The following TENM3 variants were observed in gnomAD, a reference collection of about 807,000 sequenced individuals.
TENM3 encodes teneurin transmembrane protein 3, also known as teneurin-3.
A neutral mutation model predicts 255.1 loss-of-function variants in TENM3; 63 were observed. The observed-to-expected ratio is 0.25, with a 90% CI of 0.20 to 0.30. The LOEUF (loss-of-function observed/expected upper bound fraction) is 0.30, where lower values mean the gene tolerates loss of function less well. Among genes scored for constraint, TENM3 ranks in the 10% least tolerant of loss-of-function variants. The probability of loss-of-function intolerance (pLI) is 1.00; values close to 1 mark genes in which losing one functional copy is unlikely to be tolerated. For synonymous variants in TENM3, 1,306 were observed against 1,322.3 expected (o/e 0.99, Z 0.27); for missense variants, 2,929 against 3,461.1 (o/e 0.85, Z 3.86).
At chr4:182,613,205 A>T (rs1749171508) in intron 4 of TENM3, among the ~76,000 whole-genome samples, 2 of 152,120 alleles carry the variant, frequency 1.3e-5, no homozygotes, top group African/African-American at 4.8e-5. Context: ...TTTAAATTTT[A>T]ATATATTTAG....
chr4:182,428,515 A>G (rs1205939694), intron 3 of TENM3, among the ~76,000 whole-genome samples: 2 of 151,360 alleles, frequency 1.3e-5, no homozygotes, highest in African/African-American at 4.9e-5. Context: ...TCTAGTATAG[A>G]GCCAGATCAT....
At chr4:182,297,098 G>A (rs1430572451) in intron 1 of TENM3, among the ~76,000 whole-genome samples, 1 of 152,148 alleles carries the variant, frequency 6.6e-6, no homozygotes, top group Non-Finnish European at 1.5e-5. Flanking sequence ...TCCTTATGAG[G>A]AGTAAGTAAA....
chr4:182,151,177 T>C (rs1750322748), intron 1 of TENM3, among the ~76,000 whole-genome samples: 1 of 152,044 alleles, frequency 6.6e-6, no homozygotes, highest in Non-Finnish European at 1.5e-5. Flanking sequence ...GAGTTTATGT[T>C]CTTGGACTAC....
intron 6 of TENM3, among the ~76,000 whole-genome samples, chr4:182,658,469 C>T (rs538023249): frequency 2.6e-5 from 4 of 152,328 alleles, no homozygotes; most frequent in Admixed American, 6.5e-5. Flanking sequence ...CTCTCTTCAG[C>T]TCCAGATCTC....
chr4:181,453,947 T>C, the TENM3 span, among the ~76,000 whole-genome samples: 4 of 152,116 alleles, frequency 2.6e-5, no homozygotes, highest in African/African-American at 4.8e-5. Context: ...CTAACAATCA[T>C]GGGCATGTTC....
At chr4:182,163,265 T>C (rs766614709) in intron 1 of TENM3, among the ~76,000 whole-genome samples, 1 of 152,144 alleles carries the variant, frequency 6.6e-6, no homozygotes, top group Non-Finnish European at 1.5e-5. Flanking sequence ...TCCATTTTTC[T>C]AGATTGCCCC....
chr4:181,894,808 A>C, the TENM3 span, among the ~76,000 whole-genome samples: 1 of 152,082 alleles, frequency 6.6e-6, no homozygotes, highest in Non-Finnish European at 1.5e-5. Flanking sequence ...CACGGATGCC[A>C]CAGAGTTAGG....
At chr4:181,760,394 T>A in the TENM3 span, among the ~76,000 whole-genome samples, 1 of 152,224 alleles carries the variant, frequency 6.6e-6, no homozygotes, top group Non-Finnish European at 1.5e-5. Flanking sequence ...ATTCCCCTAA[T>A]TCCCTTTATT....
At chr4:182,122,858 GT>G in the TENM3 span, among the ~76,000 whole-genome samples, 4 of 152,200 alleles carry the variant, frequency 2.6e-5, no homozygotes, top group South Asian at 8.3e-4. Context: ...ATGCAAAGCT[GT>G]TTTCATCTAC....
chr4:182,443,489 G>A (rs1286954960), intron 3 of TENM3, among the ~76,000 whole-genome samples: 1 of 152,090 alleles, frequency 6.6e-6, no homozygotes, highest in African/African-American at 2.4e-5. Flanking sequence ...CTCTTGCTAC[G>A]TACTCAGTTC....
intron 1 of TENM3, among the ~76,000 whole-genome samples, chr4:182,161,745 G>A (rs28818781): frequency 0.91 from 22,168 of 24,414 alleles, 10,391 homozygotes; most frequent in Admixed American, 0.96. Context: ...ACAAATATAT[G>A]TGTATATATA....
At chr4:182,784,753 C>G (rs1203740352) in intron 24 of TENM3, among the ~76,000 whole-genome samples, 9 of 151,818 alleles carry the variant, frequency 5.9e-5, no homozygotes, top group Admixed American at 1.3e-4. Context: ...ATATAATCTC[C>G]TGGTGTGCCG....
At chr4:182,570,678 C>A (rs918700619) in intron 3 of TENM3, among the ~76,000 whole-genome samples, 4 of 152,026 alleles carry the variant, frequency 2.6e-5, no homozygotes, top group Admixed American at 2.6e-4. Flanking sequence ...ACTAAAAATA[C>A]AAAAAATTAG....
chr4:182,033,434 T>C, the TENM3 span, among the ~76,000 whole-genome samples: 1 of 152,172 alleles, frequency 6.6e-6, no homozygotes, highest in African/African-American at 2.4e-5. Flanking sequence ...TCTTTTGCAT[T>C]TGCTGAGGAG....
chr4:181,904,578 G>A, the TENM3 span, among the ~76,000 whole-genome samples: 1 of 152,096 alleles, frequency 6.6e-6, no homozygotes, highest in Non-Finnish European at 1.5e-5. Context: ...AAGGCCTAAA[G>A]GGATGTGACC....
In TENM3 at chr4:182,774,943, T is replaced by G. The variant is rs769318471; in HGVS notation, c.5094T>G (p.Ile1698Met). 5.6e-6 allele frequency: 9 copies of G among 1,613,428 alleles called. No individual in the cohort carries two copies. The highest frequency in any genetic ancestry group is 7.6e-6 in the Non-Finnish European group (9 of 1,179,564). ...VQDQLRNSYQ[I>M]GYDGSLRIIY... ...ATCAGTTAAGAAACAGCTACCAGAT[T>G]GGTTATGACGGCTCCCTCAGAATTA... The change falls in exon 24 of 28, where the codon ATT becomes ATG. Residue 1698 changes from isoleucine (I) to methionine (M), a missense_variant. Transcript: ENST00000511685.
At chr4:182,505,735 C>A (rs572675740) in intron 3 of TENM3, among the ~76,000 whole-genome samples, 2 of 152,240 alleles carry the variant, frequency 1.3e-5, no homozygotes, top group East Asian at 3.9e-4. Flanking sequence ...GGATTACAGG[C>A]GTGAGCCACC....
intron 3 of TENM3, among the ~76,000 whole-genome samples, chr4:182,419,449 G>A (rs1031984384): frequency 1.8e-4 from 27 of 152,200 alleles, no homozygotes; most frequent in Non-Finnish European, 3.4e-4. Context: ...AACCATTGTG[G>A]AAGTCAGTGT....
chr4:181,731,112 C>T, the TENM3 span, among the ~76,000 whole-genome samples: 5 of 152,240 alleles, frequency 3.3e-5, no homozygotes, highest in African/African-American at 1.2e-4. Flanking sequence ...TAATTCTTTA[C>T]TCAGATTATG....
Sources: gnomAD v4.1 joint callset for allele counts (sites outside exome capture counted in the v4.1 genomes callset) on GRCh38, gnomAD v4.1.1 for gene constraint, MANE v1.5 for transcripts, NCBI Gene and HGNC (gene_info 2026-07-23, HGNC 2026-07-21) for gene names.